Variants in GIGYF2 observed in about 807,000 individuals in gnomAD.
GIGYF2 encodes the protein GRB10 interacting GYF protein 2.
A neutral mutation model predicts 208.1 loss-of-function variants in GIGYF2; 25 were observed. That is an observed-to-expected ratio of 0.12 (90% CI 0.09 to 0.17). The LOEUF (loss-of-function observed/expected upper bound fraction) is 0.17, where lower values mean the gene tolerates loss of function less well. GIGYF2 is among the 10% of genes least tolerant of loss of function. The pLI is 1.00. For missense variants in GIGYF2, 1,302 were observed against 1,579.4 expected, an observed-to-expected ratio of 0.82 and a Z score of 2.98; for synonymous variants, 534 against 543.8, an observed-to-expected ratio of 0.98 and a Z score of 0.25.
chr2:232,777,452 A>C (rs758917916), intron 8 of GIGYF2, among the ~76,000 whole-genome samples: 26 of 152,138 alleles, frequency 1.7e-4, no homozygotes, highest in Non-Finnish European at 1.9e-4. Flanking sequence ...TTAGCTGCTG[A>C]TTTTAAAACT....
intron 8 of GIGYF2, among the ~76,000 whole-genome samples, chr2:232,784,391 T>TTTTC (rs199776341): frequency 0.086 from 10,285 of 120,176 alleles, 752 homozygotes; most frequent in East Asian, 0.17. Context: ...AATTTCTTTT[T>TTTTC]TTTTTTTTTT....
chr2:232,778,675 A>G (rs1699612179), intron 8 of GIGYF2, among the ~76,000 whole-genome samples: 1 of 152,182 alleles, frequency 6.6e-6, no homozygotes, highest in Non-Finnish European at 1.5e-5. Context: ...CCTTATGCAC[A>G]AGAGTCCCAC....
intron 13 of GIGYF2, 149 bp downstream of exon 13, chr2:232,795,093 G>A (rs1320395202): frequency 2.4e-5 from 17 of 707,654 alleles, no homozygotes; most frequent in Non-Finnish European, 4.4e-5. Context: ...ACAAGTCATT[G>A]TCTTTCAAAT....
At chr2:232,728,096 G>A (rs1404327290) in intron 2 of GIGYF2, among the ~76,000 whole-genome samples, 1 of 152,114 alleles carries the variant, frequency 6.6e-6, no homozygotes, top group Non-Finnish European at 1.5e-5. Flanking sequence ...ATAGATCCTT[G>A]GTTTTGTATG....
At chr2:232,776,056 A>G (rs1699498308) in intron 8 of GIGYF2, among the ~76,000 whole-genome samples, 1 of 151,514 alleles carries the variant, frequency 6.6e-6, no homozygotes, top group Non-Finnish European at 1.5e-5. Context: ...AAGTAAAAAC[A>G]AAGTGGCTTA....
chr2:232,769,402 A>G (rs1699129372), intron 8 of GIGYF2, among the ~76,000 whole-genome samples: 3 of 150,942 alleles, frequency 2.0e-5, no homozygotes, highest in Admixed American at 6.6e-5. Flanking sequence ...CTGGTGGCAC[A>G]TGCCTGTAAT....
chr2:232,699,931 G>A (rs1269948414), intron 1 of GIGYF2, among the ~76,000 whole-genome samples: 4 of 152,100 alleles, frequency 2.6e-5, no homozygotes, highest in African/African-American at 9.7e-5. Context: ...CAGACTAGTT[G>A]TCTAGTCTGA....
chr2:232,781,919 A>G (rs1288985802), intron 8 of GIGYF2, among the ~76,000 whole-genome samples: 3 of 152,236 alleles, frequency 2.0e-5, no homozygotes, highest in East Asian at 1.9e-4. Context: ...TGGTATCCCT[A>G]TCCTTGCAGA....
chr2:232,847,516 CACAGCAGCA>C lies in GIGYF2; in HGVS notation c.3630_3638del (p.Gln1214_Gln1216del), dbSNP rs1559168120. On this transcript the variant is annotated inframe_deletion, in exon 27 of 29. Coordinates refer to ENST00000373563, the MANE Select transcript of GIGYF2 (RefSeq NM_001103146.3). The stretch of plus-strand genomic sequence containing the variant: ...CAGCAGCGTCAGCAGCAGCAGCTGC[CACAGCAGCA>C]GCAGCAGCAGCCGCCACAGCAGCCG... 2 of 1,527,678 alleles carry C rather than the reference CACAGCAGCA, an allele frequency of 1.3e-6. No homozygotes were observed. Among genetic ancestry groups the C allele is most frequent in the Non-Finnish European group, 1.8e-6 (2 of 1,111,732 alleles). The allele number at this position is 1,527,678 out of a possible 1,614,324, so 94.6% of individuals were successfully genotyped here.
intron 2 of GIGYF2, among the ~76,000 whole-genome samples, chr2:232,711,959 C>T (rs576074903): frequency 5.9e-5 from 9 of 151,290 alleles, no homozygotes; most frequent in Admixed American, 3.3e-4. Context: ...TGTCTATCTT[C>T]GATGTTGAAT....
At position 232,806,639 on chromosome 2, in the gene GIGYF2, A is replaced by G; in HGVS notation, c.1788A>G (p.Pro596=). 6.2e-7 allele frequency: 1 copy of G among 1,612,096 alleles called. No homozygotes were observed. The change falls in exon 15 of 29, where the codon CCA becomes CCG. Residue 596 remains proline (P), a synonymous_variant. Transcript: ENST00000373563. The surrounding 1 kb of genome is among the most constrained non-coding windows in gnomAD (Gnocchi z 4.0). ...MWGRVPFSPG[P]APPPHMGELD... is the part of the protein sequence containing the mutation. ...GAAGGGTTCCCTTTTCTCCAGGTCCAGCTCCCCCTCCTCATATGGTAAGTA... is the reference window on the plus strand; with the variant it reads ...GAAGGGTTCCCTTTTCTCCAGGTCCGGCTCCCCCTCCTCATATGGTAAGTA...
chr2:232,825,453 A>T (rs574070530), intron 21 of GIGYF2, among the ~76,000 whole-genome samples: 2 of 152,302 alleles, frequency 1.3e-5, no homozygotes, highest in South Asian at 2.1e-4. Context: ...GCAACTGCGG[A>T]TGTGGTGGAA....
At chr2:232,768,387 T>C in intron 8 of GIGYF2, 1 of 1,614,192 alleles carries the variant, frequency 6.2e-7, no homozygotes. Flanking sequence ...AAAACAGTGA[T>C]GTAACATGAT....
chr2:232,836,706 C>T (rs776781068), intron 22 of GIGYF2, among the ~76,000 whole-genome samples: 1 of 151,386 alleles, frequency 6.6e-6, no homozygotes, highest in Non-Finnish European at 1.5e-5. Flanking sequence ...TTCTAGTTTT[C>T]TTTAACTAGT....
chr2:232,739,490 C>T (rs1235396638), intron 3 of GIGYF2, among the ~76,000 whole-genome samples: 3 of 148,774 alleles, frequency 2.0e-5, no homozygotes, highest in Non-Finnish European at 4.5e-5. Context: ...CTCGGCAACA[C>T]AGTGAGATCC....
At chr2:232,850,430 A>G in intron 28 of GIGYF2, 21 bp downstream of exon 28, 1 of 1,611,564 alleles carries the variant, frequency 6.2e-7, no homozygotes, top group Non-Finnish European at 8.5e-7. Flanking sequence ...TCCTAGTCTC[A>G]GCTGAGTGTT....
intron 22 of GIGYF2, among the ~76,000 whole-genome samples, chr2:232,839,473 T>C (rs1197485434): frequency 6.6e-6 from 1 of 152,236 alleles, no homozygotes; most frequent in African/African-American, 2.4e-5. Context: ...TGTCCTTTGT[T>C]GCTTTCGTCA....
chr2:232,757,016 C>G (rs1055930825), intron 6 of GIGYF2, among the ~76,000 whole-genome samples: 7 of 152,032 alleles, frequency 4.6e-5, no homozygotes, highest in Admixed American at 3.9e-4. Flanking sequence ...TAACAGTGGT[C>G]TAAATACACC....
chr2:232,704,717 C>T (rs933237994), intron 2 of GIGYF2, among the ~76,000 whole-genome samples: 7 of 150,988 alleles, frequency 4.6e-5, no homozygotes, highest in Non-Finnish European at 7.4e-5. Flanking sequence ...AGTTTTTAAA[C>T]GAAAATTCTT....
Sources: allele counts gnomAD v4.1 joint callset (sites outside exome capture counted in the v4.1 genomes callset), GRCh38; gene constraint gnomAD v4.1.1; non-coding constraint Gnocchi (gnomAD v3.1); transcripts MANE v1.5; gene names NCBI Gene and HGNC (gene_info 2026-07-23, HGNC 2026-07-21).